Variants in LYPLAL1 observed in about 807,000 individuals in gnomAD.
The protein encoded by LYPLAL1 is lysophospholipase-like protein 1.
Under a neutral mutation model 19.7 loss-of-function variants are expected in LYPLAL1, and 23 were observed. That is an observed-to-expected ratio of 1.17 (90% CI 0.84 to 1.65). The LOEUF is 1.65. Among genes scored for constraint, LYPLAL1 ranks in the 40% most tolerant of loss-of-function variants. LYPLAL1 has a pLI of 0.00. For missense variants in LYPLAL1, 355 were observed against 279.4 expected, an observed-to-expected ratio of 1.27 and a Z score of -1.93; for synonymous variants, 119 against 96.3, an observed-to-expected ratio of 1.24 and a Z score of -1.38.
chr1:219,440,012 TACACACACACAC>T, the LYPLAL1 span, among the ~76,000 whole-genome samples: 732 of 100,808 alleles, frequency 7.3e-3, 5 homozygotes, highest in Non-Finnish European at 8.5e-3. Flanking sequence ...TATATATATA[TACACACACACAC>T]ATATATATAT....
chr1:219,320,771 C>A, the LYPLAL1 span, among the ~76,000 whole-genome samples: 84 of 152,260 alleles, frequency 5.5e-4, no homozygotes, highest in Non-Finnish European at 1.1e-3. Context: ...GAAACAAACT[C>A]ATCCTTTTTT....
the LYPLAL1 span, among the ~76,000 whole-genome samples, chr1:219,445,369 G>T: frequency 8.7e-6 from 1 of 115,548 alleles, no homozygotes; most frequent in Non-Finnish European, 1.6e-5. Context: ...ATTATTTTGT[G>T]TGTTTTTCTT....
At chr1:219,385,176 C>G in the LYPLAL1 span, among the ~76,000 whole-genome samples, 1 of 152,134 alleles carries the variant, frequency 6.6e-6, no homozygotes, top group Non-Finnish European at 1.5e-5. Context: ...AGAAAGCACT[C>G]TATGCCTGGA....
chr1:219,420,351 A>G, the LYPLAL1 span, among the ~76,000 whole-genome samples: 1 of 152,336 alleles, frequency 6.6e-6, no homozygotes, highest in Non-Finnish European at 1.5e-5. Flanking sequence ...TTAAATATTA[A>G]CCCGAATAAT....
chr1:219,197,927 G>C lies in LYPLAL1; in HGVS notation c.361+4676G>C, dbSNP rs1189774831. ...TTGAGCACCTATATTTTCTTAGAGGGAATCATGTCTTACCAGCCAGATTGC... is the reference window on the plus strand; with the variant it reads ...TTGAGCACCTATATTTTCTTAGAGGCAATCATGTCTTACCAGCCAGATTGC... On this transcript the variant is annotated intron_variant, in intron 3 of 4. Coordinates refer to ENST00000366928, the MANE Select transcript of LYPLAL1 (RefSeq NM_138794.5). Among the ~76,000 whole-genome samples the C allele has an allele frequency of 2.6e-5, 4 of 152,116 alleles. No homozygotes were observed. In the East Asian group the frequency reaches 7.7e-4, roughly 29 times the overall value.
the LYPLAL1 span, among the ~76,000 whole-genome samples, chr1:219,241,134 C>CTCTCTCTATATATATATA: frequency 1.6e-3 from 70 of 44,338 alleles, no homozygotes; most frequent in Non-Finnish European, 2.5e-3. Context: ...CTCTCTCTCT[C>CTCTCTCTATATATATATA]TATATATATA....
the LYPLAL1 span, among the ~76,000 whole-genome samples, chr1:219,248,444 A>G: frequency 6.6e-6 from 1 of 152,154 alleles, no homozygotes; most frequent in Non-Finnish European, 1.5e-5. Flanking sequence ...AATTTGAGAC[A>G]TATATTATCA....
downstream of LYPLAL1, among the ~76,000 whole-genome samples, chr1:219,217,379 G>GGTGTGTGTGTGTGTGTGTGTGTGTGTGT (rs371579948): frequency 5.2e-5 from 7 of 134,136 alleles, no homozygotes; most frequent in East Asian, 2.3e-4. Flanking sequence ...TGCCAGGTTT[G>GGTGTGTGTGTGTGTGTGTGTGTGTGTGT]GTGTGTGTGT....
chr1:219,311,537 T>TG, the LYPLAL1 span, among the ~76,000 whole-genome samples: 2 of 151,096 alleles, frequency 1.3e-5, no homozygotes, highest in East Asian at 1.9e-4. Context: ...TGTAGGTGTT[T>TG]TTTTTTTTTT....
chr1:219,299,922 G>A, the LYPLAL1 span, among the ~76,000 whole-genome samples: 6 of 152,064 alleles, frequency 3.9e-5, no homozygotes, highest in Admixed American at 6.5e-5. Flanking sequence ...ATAACCAGTC[G>A]GAAGCAGCCA....
At position 219,193,108 on chromosome 1, in the gene LYPLAL1, T is replaced by C; in HGVS notation, c.218T>C (p.Ile73Thr). The C allele has an allele frequency of 6.3e-7, 1 of 1,594,168 alleles. No homozygotes were observed. The highest frequency in any genetic ancestry group is 8.6e-7 in the Non-Finnish European group (1 of 1,167,074). Residue 73 changes from isoleucine to threonine, a missense_variant, in exon 3 of 5, where the codon ATC (isoleucine) becomes ACC (threonine). Coordinates refer to ENST00000366928, the MANE Select transcript of LYPLAL1 (RefSeq NM_138794.5). ...TCATATACTCCTATGAAAGGAGGAA[T>C]CTCCAATGTATGGTTTGACAGATTT... ...PRSYTPMKGG[I>T]SNVWFDRFKI...
At chr1:219,359,428 T>C in the LYPLAL1 span, among the ~76,000 whole-genome samples, 1 of 152,182 alleles carries the variant, frequency 6.6e-6, no homozygotes, top group Non-Finnish European at 1.5e-5. Context: ...AAACAACCAT[T>C]ACTTTGGAGA....
the LYPLAL1 span, among the ~76,000 whole-genome samples, chr1:219,268,198 C>T: frequency 6.7e-6 from 1 of 149,734 alleles, no homozygotes; most frequent in African/African-American, 2.5e-5. Context: ...GTACATTATG[C>T]ATTATATTAG....
At chr1:219,329,059 A>G in the LYPLAL1 span, among the ~76,000 whole-genome samples, 2 of 151,682 alleles carry the variant, frequency 1.3e-5, no homozygotes, top group Non-Finnish European at 2.9e-5. Flanking sequence ...ATATTCTTTT[A>G]TTCTCTTTTT....
the LYPLAL1 span, among the ~76,000 whole-genome samples, chr1:219,323,687 A>G: frequency 6.6e-6 from 1 of 152,218 alleles, no homozygotes; most frequent in Admixed American, 6.5e-5. Flanking sequence ...TGTATAGTAT[A>G]AGCCTGAATA....
At chr1:219,314,442 CTTTTTCTT>C in the LYPLAL1 span, among the ~76,000 whole-genome samples, 1 of 151,894 alleles carries the variant, frequency 6.6e-6, no homozygotes, top group East Asian at 1.9e-4. Context: ...TATTTTTTTT[CTTTTTCTT>C]TTTTTCTTTT....
chr1:219,230,507 A>G, the LYPLAL1 span, among the ~76,000 whole-genome samples: 1 of 152,224 alleles, frequency 6.6e-6, no homozygotes, highest in Non-Finnish European at 1.5e-5. Flanking sequence ...TTTCTGTGGT[A>G]TTGTATTTTC....
chr1:219,223,844 T>A, the LYPLAL1 span, among the ~76,000 whole-genome samples: 2 of 152,176 alleles, frequency 1.3e-5, no homozygotes, highest in African/African-American at 4.8e-5. Context: ...GTTTTTATTG[T>A]GATAAATTCA....
the LYPLAL1 span, among the ~76,000 whole-genome samples, chr1:219,274,821 G>T: frequency 6.6e-6 from 1 of 152,144 alleles, no homozygotes; most frequent in African/African-American, 2.4e-5. Flanking sequence ...TATCACATGA[G>T]ATCATCTATA....
Sources: allele counts gnomAD v4.1 joint callset (sites outside exome capture counted in the v4.1 genomes callset), GRCh38; gene constraint gnomAD v4.1.1; transcripts MANE v1.5; gene names NCBI Gene and HGNC (gene_info 2026-07-23, HGNC 2026-07-21).